The following CADPS2 variants were observed in gnomAD, a reference collection of about 807,000 sequenced individuals.
CADPS2 encodes the protein calcium dependent secretion activator 2.
CADPS2 carries 93 observed loss-of-function variants against 172.5 expected under a neutral mutation model. The observed-to-expected ratio is 0.54, with a 90% CI of 0.46 to 0.64. The LOEUF is 0.64. Ranked by LOEUF, CADPS2 falls within the 30% of genes least tolerant of loss-of-function variation. CADPS2 has a pLI of 0.00. For synonymous variants in CADPS2, 546 were observed against 555.2 expected (o/e 0.98, Z 0.23); for missense variants, 1,420 against 1,565.9 (o/e 0.91, Z 1.57).
At chr7:122,779,658 C>G (rs1005733539) in intron 1 of CADPS2, among the ~76,000 whole-genome samples, 2 of 152,134 alleles carry the variant, frequency 1.3e-5, no homozygotes. Context: ...TTTGTTTCCC[C>G]CCTTTCTAAT....
chr7:122,596,716 A>G (rs2071853282), intron 6 of CADPS2, among the ~76,000 whole-genome samples: 1 of 152,080 alleles, frequency 6.6e-6, no homozygotes, highest in Admixed American at 6.6e-5. Flanking sequence ...ACAGAAGACA[A>G]TGATGTGCAG....
At chr7:122,678,645 T>C (rs2082633999) in intron 2 of CADPS2, among the ~76,000 whole-genome samples, 2 of 152,078 alleles carry the variant, frequency 1.3e-5, no homozygotes, top group Admixed American at 1.3e-4. Flanking sequence ...TGGGTGGATT[T>C]AGTTGGTGGT....
rs753926880 is a variant in CADPS2, at chr7:122,451,407, G to C, written c.2255C>G (p.Ser752Cys). 1 of 1,567,912 alleles carries C rather than the reference G, an allele frequency of 6.4e-7. No individual in the cohort carries two copies. The highest frequency in any genetic ancestry group is 8.7e-7 in the Non-Finnish European group (1 of 1,153,774). Residue 752 changes from serine to cysteine, a missense_variant, in exon 15 of 30, where the codon TCT becomes TGT. Ser to Cys is a moderately radical substitution (Grantham distance 112). Coordinates refer to ENST00000449022, the MANE Select transcript of CADPS2 (RefSeq NM_017954.11). ...GCTTATCTGATTTTCTAAAAGGGAA[G>C]AGAGTCTCTCTTTTATCTCCTCAAA... The part of the protein sequence containing the change: ...ERFEEIKERL[S>C]SLLENQISHF...
At chr7:122,784,902 C>T (rs1793654714) in intron 1 of CADPS2, among the ~76,000 whole-genome samples, 1 of 152,082 alleles carries the variant, frequency 6.6e-6, no homozygotes, top group South Asian at 2.1e-4. Flanking sequence ...TATTACCTTT[C>T]CTATTTCCTA....
In CADPS2 at chr7:122,725,477, G is replaced by A. The variant is rs1023175272; in HGVS notation, c.453+11478C>T. Among the ~76,000 whole-genome samples the A allele has an allele frequency of 2.6e-5, 4 of 151,706 alleles. No homozygotes were observed. The East Asian group carries it at 7.8e-4, about 30-fold the overall frequency. The stretch of plus-strand genomic sequence containing the variant: ...ATGGATATACTGCATGGACCATCTG[G>A]GCTTTTAGTGTACCCATCACCCAAA... On this transcript the variant is annotated intron_variant, in intron 2 of 29. Coordinates refer to ENST00000449022, the MANE Select transcript of CADPS2 (RefSeq NM_017954.11).
intron 1 of CADPS2, among the ~76,000 whole-genome samples, chr7:122,856,320 T>A (rs1815205405): frequency 6.6e-6 from 1 of 152,154 alleles, no homozygotes; most frequent in Non-Finnish European, 1.5e-5. Context: ...GGTATCCCCA[T>A]CCCACCAGTG....
chr7:122,698,520 T>A lies in CADPS2; in HGVS notation c.454-34951A>T, dbSNP rs763299678. 3.7e-6 allele frequency: 6 copies of A among 1,613,974 alleles called. No individual in the cohort carries two copies. The African/African-American group carries it at 6.7e-5, about 18-fold the overall frequency. ...TGGGGAACACCTGGTTGCCAGTACC[T>A]GGAACGTTATAGATGATCACTCCAC... On this transcript the variant is annotated intron_variant, in intron 2 of 29. Transcript: ENST00000449022.
At chr7:122,425,850 C>T (rs2049108641) in intron 17 of CADPS2, 1 of 152,108 alleles carries the variant, frequency 6.6e-6, no homozygotes, top group Non-Finnish European at 1.5e-5. Flanking sequence ...AGTGTACTTA[C>T]CTAATACATT....
At chr7:122,489,682 A>G (rs2058119621) in intron 11 of CADPS2, among the ~76,000 whole-genome samples, 1 of 152,166 alleles carries the variant, frequency 6.6e-6, no homozygotes, top group African/African-American at 2.4e-5. Flanking sequence ...ACAATTCTAG[A>G]AGGTAATGGT....
chr7:122,484,599 G>C lies in CADPS2; in HGVS notation c.1853-3739C>G, dbSNP rs190538817. On this transcript the variant is annotated intron_variant, in intron 11 of 29. Coordinates refer to ENST00000449022, the MANE Select transcript of CADPS2 (RefSeq NM_017954.11). ...ATTTGGGTTAGGCAAAGATCCTTTA[G>C]TTATAACATCAAAAGCACAACTATG... Among the ~76,000 whole-genome samples, 327 of 151,260 alleles carry C rather than the reference G, an allele frequency of 2.2e-3. 1 individual carries two copies. The highest frequency in any genetic ancestry group is 3.6e-3 in the Non-Finnish European group (247 of 67,866).
chr7:122,566,422 T>G (rs1180847300), intron 7 of CADPS2, among the ~76,000 whole-genome samples: 1 of 152,098 alleles, frequency 6.6e-6, no homozygotes, highest in Non-Finnish European at 1.5e-5. Flanking sequence ...AAGGTATATA[T>G]CCAAAGGAAA....
chr7:122,725,190 A>G (rs183584095), intron 2 of CADPS2, among the ~76,000 whole-genome samples: 26 of 152,178 alleles, frequency 1.7e-4, no homozygotes, highest in Admixed American at 5.9e-4. Flanking sequence ...AAGTCATAAT[A>G]TAAGTAAATG....
At chr7:122,837,398 A>G (rs1024536824) in intron 1 of CADPS2, among the ~76,000 whole-genome samples, 1 of 152,210 alleles carries the variant, frequency 6.6e-6, no homozygotes, top group Non-Finnish European at 1.5e-5. Flanking sequence ...CACATTCAAA[A>G]GCTAGCAGAA....
intron 6 of CADPS2, among the ~76,000 whole-genome samples, chr7:122,590,123 ATC>A (rs974776818): frequency 5.3e-5 from 8 of 151,864 alleles, no homozygotes; most frequent in African/African-American, 1.9e-4. Context: ...TTCATAAGGA[ATC>A]TCTAGGGACT....
At chr7:122,415,294 A>T (rs2047750511) in intron 18 of CADPS2, among the ~76,000 whole-genome samples, 1 of 152,162 alleles carries the variant, frequency 6.6e-6, no homozygotes, top group Admixed American at 6.5e-5. Flanking sequence ...TTCCACGTTA[A>T]CTTACATTTC....
At chr7:122,765,411 G>A (rs2093515879) in intron 1 of CADPS2, among the ~76,000 whole-genome samples, 1 of 152,052 alleles carries the variant, frequency 6.6e-6, no homozygotes, top group South Asian at 2.1e-4. Context: ...CCCAGAACAT[G>A]GTAGAAATCT....
At chr7:122,763,434 AT>A (rs1318490606) in intron 1 of CADPS2, among the ~76,000 whole-genome samples, 1 of 152,214 alleles carries the variant, frequency 6.6e-6, no homozygotes, top group African/African-American at 2.4e-5. Flanking sequence ...TATGAATATT[AT>A]TTAGAAATAT....
chr7:122,595,688 AAAC>A (rs2071660338), intron 6 of CADPS2, among the ~76,000 whole-genome samples: 1 of 152,142 alleles, frequency 6.6e-6, no homozygotes, highest in East Asian at 1.9e-4. Flanking sequence ...CCTGCAGATA[AAAC>A]AACTTTTTTT....
intron 28 of CADPS2, among the ~76,000 whole-genome samples, chr7:122,344,494 C>T (rs945732146): frequency 4.6e-5 from 7 of 152,108 alleles, no homozygotes; most frequent in African/African-American, 1.7e-4. Context: ...CCACAGTCCT[C>T]ATTTTTAGGC....
Sources: allele counts gnomAD v4.1 joint callset (sites outside exome capture counted in the v4.1 genomes callset), GRCh38; gene constraint gnomAD v4.1.1; transcripts MANE v1.5; gene names NCBI Gene and HGNC (gene_info 2026-07-23, HGNC 2026-07-21).